The following EZR variants were observed in gnomAD, a reference collection of about 807,000 sequenced individuals.
The protein encoded by EZR is cytovillin 2.
EZR carries 40 observed loss-of-function variants against 74.8 expected under a neutral mutation model. The ratio of observed to expected loss-of-function variants is 0.53; its 90% CI spans 0.42 to 0.70. The LOEUF is 0.70. Ranked by LOEUF, EZR falls within the 30% of genes least tolerant of loss-of-function variation. The probability of loss-of-function intolerance (pLI) is 0.00; values close to 1 mark genes in which losing one functional copy is unlikely to be tolerated. For synonymous variants in EZR, 341 were observed against 283.3 expected, an observed-to-expected ratio of 1.20 and a Z score of -2.05; for missense variants, 678 against 755.8, an observed-to-expected ratio of 0.90 and a Z score of 1.21.
intron 2 of EZR, among the ~76,000 whole-genome samples, chr6:158,817,027 G>C (rs2128578355): frequency 6.6e-6 from 1 of 152,266 alleles, no homozygotes; most frequent in Admixed American, 6.5e-5. Context: ...AGAGGTTGCA[G>C]TGAGCCGAGA....
At chr6:158,798,311 G>A (rs939267152) in intron 2 of EZR, among the ~76,000 whole-genome samples, 5 of 152,210 alleles carry the variant, frequency 3.3e-5, no homozygotes, top group African/African-American at 9.7e-5. Flanking sequence ...AAACTAGACT[G>A]TGGTCATTTT....
chr6:158,818,170 G>A lies in EZR; in HGVS notation c.-73-4C>T. On this transcript the variant is annotated splice_region_variant and splice_polypyrimidine_tract_variant and intron_variant, in intron 1 of 13. Coordinates refer to ENST00000367075, the MANE Select transcript of EZR (RefSeq NM_001111077.2). Reference sequence around the variant, plus strand: ...GCAGCGAAGACGCTGTCCCAACCTGGAGTCAGAGCAGAACCCTTAGAGCGC... The same window carrying A: ...GCAGCGAAGACGCTGTCCCAACCTGAAGTCAGAGCAGAACCCTTAGAGCGC... The A allele has an allele frequency of 6.4e-7, 1 of 1,563,050 alleles. No individual in the cohort carries two copies. Among genetic ancestry groups the A allele is most frequent in the African/African-American group, 1.4e-5 (1 of 73,982 alleles).
At chr6:158,797,211 C>T (rs1055746700) in intron 2 of EZR, among the ~76,000 whole-genome samples, 5 of 152,120 alleles carry the variant, frequency 3.3e-5, no homozygotes, top group African/African-American at 1.2e-4. Flanking sequence ...AGATCAGTTC[C>T]TCCACAAACA....
At chr6:158,774,700 C>G (rs1286657162) in intron 8 of EZR, among the ~76,000 whole-genome samples, 1 of 151,268 alleles carries the variant, frequency 6.6e-6, no homozygotes, top group Non-Finnish European at 1.5e-5. Flanking sequence ...CACACACACA[C>G]ACACACACAC....
Position 158,766,824 on chromosome 6 carries a change from TC to T in EZR, c.*89del, listed in dbSNP as rs1790883582. 3.2e-6 allele frequency: 4 copies of T among 1,267,764 alleles called. No homozygotes were observed. In the South Asian group the frequency reaches 5.5e-5, roughly 17 times the overall value. The allele number at this position is 1,267,764 out of a possible 1,614,324, so 78.5% of individuals were successfully genotyped here. On this transcript the variant is annotated 3_prime_UTR_variant, in exon 14 of 14. Coordinates refer to ENST00000367075, the MANE Select transcript of EZR (RefSeq NM_001111077.2). The stretch of plus-strand genomic sequence containing the variant: ...TAAAGGAACTGGGATCTGAGGGAGT[TC>T]CTAGACTTGGAGCACTAAAGACACA...
At chr6:158,783,760 G>C (rs550365704) in intron 6 of EZR, 94 bp from the exon 7 acceptor site, 18 of 1,334,856 alleles carry the variant, frequency 1.3e-5, no homozygotes, top group Middle Eastern at 2.0e-4. Flanking sequence ...AAGGCGCCTT[G>C]TGTAGGATGG....
At chr6:158,807,737 G>A (rs1270636976) in intron 2 of EZR, among the ~76,000 whole-genome samples, 1 of 152,156 alleles carries the variant, frequency 6.6e-6, no homozygotes, top group East Asian at 1.9e-4. Flanking sequence ...CGATGTATTA[G>A]ACATGTGTCT....
At chr6:158,806,868 C>T (rs1006411524) in intron 2 of EZR, among the ~76,000 whole-genome samples, 1 of 152,268 alleles carries the variant, frequency 6.6e-6, no homozygotes, top group Admixed American at 6.5e-5. Context: ...GCAGCCAACA[C>T]CCTTAATTAT....
chr6:158,772,300 C>A (rs568327399), intron 8 of EZR, among the ~76,000 whole-genome samples: 1 of 152,260 alleles, frequency 6.6e-6, no homozygotes, highest in African/African-American at 2.4e-5. Context: ...CAGACAGCCA[C>A]GTGCGAGCTC....
At position 158,766,675 on chromosome 6, in the gene EZR, C is replaced by G; in HGVS notation, c.*239G>C. 5.3e-6 allele frequency: 3 copies of G among 562,736 alleles called. No individual in the cohort carries two copies. Among genetic ancestry groups the G allele is most frequent in the Non-Finnish European group, 9.5e-6 (3 of 315,038 alleles). The allele number at this position is 562,736 out of a possible 1,614,324, so 34.9% of individuals were successfully genotyped here. ...AATCAGTCCTGCTCCCAGCACAACACAGGAGGTGATTCGAGAATAATCGCG... is the reference window on the plus strand; with the variant it reads ...AATCAGTCCTGCTCCCAGCACAACAGAGGAGGTGATTCGAGAATAATCGCG... On this transcript the variant is annotated 3_prime_UTR_variant, in exon 14 of 14. Coordinates refer to ENST00000367075, the MANE Select transcript of EZR (RefSeq NM_001111077.2).
chr6:158,791,998 G>A (rs777043487), intron 2 of EZR, among the ~76,000 whole-genome samples: 6 of 151,054 alleles, frequency 4.0e-5, no homozygotes, highest in Non-Finnish European at 7.4e-5. Context: ...GTGAGCCACC[G>A]CGCCCGGCCC....
chr6:158,813,022 TCA>T (rs1447050652), intron 2 of EZR, among the ~76,000 whole-genome samples: 3 of 152,320 alleles, frequency 2.0e-5, no homozygotes, highest in African/African-American at 7.2e-5. Flanking sequence ...CTATTACAGA[TCA>T]CAGTCAACTT....
chr6:158,768,666 G>A (rs541461815), intron 12 of EZR, among the ~76,000 whole-genome samples: 12 of 152,170 alleles, frequency 7.9e-5, no homozygotes, highest in Non-Finnish European at 1.3e-4. Context: ...CAGACGGAGC[G>A]ACAAGCTCTG....
At chr6:158,815,563 C>G (rs1041649708) in intron 2 of EZR, among the ~76,000 whole-genome samples, 15 of 152,226 alleles carry the variant, frequency 9.9e-5, no homozygotes, top group African/African-American at 3.4e-4. Flanking sequence ...GCAGCCTTGA[C>G]CTCCAGGGCT....
chr6:158,807,741 T>C (rs1777374212), intron 2 of EZR, among the ~76,000 whole-genome samples: 1 of 152,164 alleles, frequency 6.6e-6, no homozygotes, highest in African/African-American at 2.4e-5. Flanking sequence ...GTATTAGACA[T>C]GTGTCTTTCC....
intron 9 of EZR, 46 bp from the exon 10 acceptor site, chr6:158,770,940 GAA>G (rs1243335635): frequency 6.2e-7 from 1 of 1,613,558 alleles, no homozygotes; most frequent in Non-Finnish European, 8.5e-7. Context: ...ACTCTGGCAG[GAA>G]AGTGAGGGGT....
intron 8 of EZR, among the ~76,000 whole-genome samples, chr6:158,774,190 A>G (rs1444721186): frequency 1.3e-5 from 2 of 152,152 alleles, no homozygotes; most frequent in African/African-American, 4.8e-5. Flanking sequence ...TCTTCTGCCC[A>G]AAGTTTACAG....
intron 10 of EZR, among the ~76,000 whole-genome samples, chr6:158,770,530 G>A (rs1429462029): frequency 2.0e-5 from 3 of 152,182 alleles, no homozygotes; most frequent in African/African-American, 7.2e-5. Flanking sequence ...AGCACTTACC[G>A]CAAAAGACTA....
chr6:158,798,673 C>G (rs932719268), intron 2 of EZR, among the ~76,000 whole-genome samples: 3 of 149,190 alleles, frequency 2.0e-5, no homozygotes, highest in African/African-American at 7.4e-5. Flanking sequence ...GCTCTGTTGC[C>G]CAGGCTGGAG....
Sources: allele counts gnomAD v4.1 joint callset (sites outside exome capture counted in the v4.1 genomes callset), GRCh38; gene constraint gnomAD v4.1.1; transcripts MANE v1.5; gene names NCBI Gene and HGNC (gene_info 2026-07-23, HGNC 2026-07-21).